Variants in RALGPS2 observed in about 807,000 individuals in gnomAD.
The protein encoded by RALGPS2 is ras-specific guanine nucleotide-releasing factor RalGPS2.
A neutral mutation model predicts 86.8 loss-of-function variants in RALGPS2; 43 were observed. The observed-to-expected ratio is 0.50, with a 90% CI of 0.39 to 0.64. The LOEUF is 0.64. Among genes scored for constraint, RALGPS2 ranks in the 30% least tolerant of loss-of-function variants. RALGPS2 has a pLI of 0.00. For missense variants in RALGPS2, 536 were observed against 694.6 expected (o/e 0.77, Z 2.57); for synonymous variants, 243 against 231.3 (o/e 1.05, Z -0.46).
chr1:178,769,392 A>T (rs1447669150), intron 1 of RALGPS2, among the ~76,000 whole-genome samples: 3 of 151,904 alleles, frequency 2.0e-5, no homozygotes, highest in African/African-American at 7.3e-5. Flanking sequence ...CTACTGCACC[A>T]TAATCTATGC....
rs1323170948 is a variant in RALGPS2, at chr1:178,892,961, C to T, written c.1325+654C>T. On this transcript the variant is annotated intron_variant, in intron 15 of 19. Transcript: ENST00000367635. ...CGTCAGTTTGATGGTGTCTAATCTC[C>T]GTGCATGTACCTCCCTGAATATAAA... 4.6e-5 allele frequency among the ~76,000 whole-genome samples: 7 copies of T among 152,170 alleles called. No homozygotes were observed. The South Asian group carries it at 1.4e-3, about 31-fold the overall frequency.
At chr1:178,903,957 C>T (rs1273082558) in intron 18 of RALGPS2, among the ~76,000 whole-genome samples, 1 of 152,210 alleles carries the variant, frequency 6.6e-6, no homozygotes, top group African/African-American at 2.4e-5. Context: ...TACTAGTTTA[C>T]ATTCCCACCA....
intron 7 of RALGPS2, among the ~76,000 whole-genome samples, chr1:178,829,604 G>A (rs537692138): frequency 6.6e-6 from 1 of 152,138 alleles, no homozygotes; most frequent in South Asian, 2.1e-4. Flanking sequence ...AAAAGGTTAG[G>A]GACCACTAAT....
chr1:178,858,687 G>A (rs930824425), intron 8 of RALGPS2, among the ~76,000 whole-genome samples: 1 of 152,058 alleles, frequency 6.6e-6, no homozygotes, highest in Admixed American at 6.5e-5. Flanking sequence ...CTGATTTATA[G>A]AAAGAAAAAT....
chr1:178,803,082 C>T (rs1001829113), intron 4 of RALGPS2, among the ~76,000 whole-genome samples: 3 of 152,026 alleles, frequency 2.0e-5, no homozygotes, highest in Non-Finnish European at 2.9e-5. Context: ...ATTCATTTCT[C>T]GTGGGAGTGT....
chr1:178,832,533 C>T (rs1371625354), intron 7 of RALGPS2, among the ~76,000 whole-genome samples: 2 of 151,998 alleles, frequency 1.3e-5, no homozygotes, highest in Admixed American at 6.6e-5. Flanking sequence ...CTCTTCATCT[C>T]TAAATTAATA....
intron 7 of RALGPS2, among the ~76,000 whole-genome samples, chr1:178,829,647 C>T (rs1326429633): frequency 6.6e-6 from 1 of 152,130 alleles, no homozygotes; most frequent in East Asian, 1.9e-4. Flanking sequence ...ATCTAATGTA[C>T]AGCATGAGGA....
At chr1:178,795,909 A>G (rs1654166046) in intron 4 of RALGPS2, among the ~76,000 whole-genome samples, 1 of 152,206 alleles carries the variant, frequency 6.6e-6, no homozygotes, top group Non-Finnish European at 1.5e-5. Flanking sequence ...TAAAATTAAA[A>G]TATAAACAAT....
chr1:178,782,746 C>G (rs768057114), intron 2 of RALGPS2, among the ~76,000 whole-genome samples: 4 of 151,882 alleles, frequency 2.6e-5, no homozygotes, highest in Non-Finnish European at 4.4e-5. Flanking sequence ...AAGGCTCAGA[C>G]TGTAAGAAGA....
chr1:178,859,695 CTTTTTTTTTTTT>C (rs1190050936), intron 8 of RALGPS2, among the ~76,000 whole-genome samples: 1 of 108,252 alleles, frequency 9.2e-6, no homozygotes, highest in Non-Finnish European at 1.9e-5. Flanking sequence ...ACACGAAGCA[CTTTTTTTTTTTT>C]TTTTTTTTTG....
chr1:178,814,678 G>A (rs1024547812), intron 6 of RALGPS2, among the ~76,000 whole-genome samples: 1 of 152,060 alleles, frequency 6.6e-6, no homozygotes, highest in Non-Finnish European at 1.5e-5. Flanking sequence ...TTGAACTCCT[G>A]TGCTCAAGTG....
At chr1:178,736,784 C>T (rs1327540896) in intron 1 of RALGPS2, among the ~76,000 whole-genome samples, 3 of 151,834 alleles carry the variant, frequency 2.0e-5, no homozygotes, top group Admixed American at 6.6e-5. Flanking sequence ...GCCTGTAGTC[C>T]CAGCTACTCA....
At chr1:178,799,106 C>G (rs1373871988) in intron 4 of RALGPS2, among the ~76,000 whole-genome samples, 1 of 152,138 alleles carries the variant, frequency 6.6e-6, no homozygotes, top group East Asian at 1.9e-4. Context: ...GTGGCGCGAT[C>G]TCCGCTCACC....
At chr1:178,727,271 C>T (rs934974952) in intron 1 of RALGPS2, among the ~76,000 whole-genome samples, 1 of 151,282 alleles carries the variant, frequency 6.6e-6, no homozygotes, top group African/African-American at 2.4e-5. Flanking sequence ...CCTTATTTGG[C>T]TCAGGCTGGT....
chr1:178,811,618 C>G (rs957833829), intron 6 of RALGPS2, among the ~76,000 whole-genome samples: 1 of 152,264 alleles, frequency 6.6e-6, no homozygotes, highest in Admixed American at 6.5e-5. Context: ...CTTCCTCCCA[C>G]TCTCTGAGTA....
intron 1 of RALGPS2, among the ~76,000 whole-genome samples, chr1:178,758,532 A>AC (rs201488779): frequency 3.3e-5 from 5 of 150,414 alleles, no homozygotes; most frequent in South Asian, 4.2e-4. Flanking sequence ...GTCACTTCCT[A>AC]CCCCCCCTGC....
intron 7 of RALGPS2, 60 bp from the exon 8 acceptor site, chr1:178,833,364 G>T (rs898866162): frequency 3.6e-6 from 5 of 1,398,608 alleles, no homozygotes; most frequent in Middle Eastern, 2.6e-4. Context: ...TTCAGTTCAG[G>T]TCTTTGCTAC....
At chr1:178,880,934 C>T (rs1462274754) in intron 10 of RALGPS2, among the ~76,000 whole-genome samples, 4 of 152,126 alleles carry the variant, frequency 2.6e-5, no homozygotes, top group Non-Finnish European at 4.4e-5. Flanking sequence ...ATAATGCCTT[C>T]ATTTTTGTAG....
intron 1 of RALGPS2, among the ~76,000 whole-genome samples, chr1:178,771,269 A>C (rs1652800437): frequency 6.6e-6 from 1 of 152,214 alleles, no homozygotes; most frequent in Non-Finnish European, 1.5e-5. Flanking sequence ...CCAGTACAGG[A>C]CCTTTAGTTG....
Sources: allele counts gnomAD v4.1 joint callset (sites outside exome capture counted in the v4.1 genomes callset), GRCh38; gene constraint gnomAD v4.1.1; transcripts MANE v1.5; gene names NCBI Gene and HGNC (gene_info 2026-07-23, HGNC 2026-07-21).